The following CPA6 variants were observed in gnomAD, a reference collection of about 807,000 sequenced individuals.
CPA6 encodes carboxypeptidase A6, also known as carboxypeptidase B.
A neutral mutation model predicts 63.3 loss-of-function variants in CPA6; 58 were observed. That is an observed-to-expected ratio of 0.92 (90% CI 0.74 to 1.14). The LOEUF (loss-of-function observed/expected upper bound fraction) is 1.14, where lower values mean the gene tolerates loss of function less well. CPA6 is among the 50% of genes most tolerant of loss of function. The pLI is 0.00. For missense variants in CPA6, 565 were observed against 526.6 expected, an observed-to-expected ratio of 1.07 and a Z score of -0.71; for synonymous variants, 185 against 179.0, an observed-to-expected ratio of 1.03 and a Z score of -0.27.
chr8:67,609,954 G>A (rs1413086749), intron 2 of CPA6, among the ~76,000 whole-genome samples: 1 of 152,178 alleles, frequency 6.6e-6, no homozygotes, highest in African/African-American at 2.4e-5. Flanking sequence ...CCTGGGAGGT[G>A]GAGGTTGCAG....
intron 2 of CPA6, among the ~76,000 whole-genome samples, chr8:67,536,937 C>A (rs1812597759): frequency 6.6e-6 from 1 of 152,130 alleles, no homozygotes; most frequent in South Asian, 2.1e-4. Flanking sequence ...GAGTTTTCTG[C>A]ATTTATTGAG....
intron 1 of CPA6, among the ~76,000 whole-genome samples, chr8:67,733,066 G>A (rs1468239615): frequency 6.6e-6 from 1 of 151,404 alleles, no homozygotes; most frequent in East Asian, 1.9e-4. Context: ...TGTGGTGGCG[G>A]GCACCTGTAG....
At chr8:67,451,146 C>T (rs1396865611) in intron 8 of CPA6, among the ~76,000 whole-genome samples, 1 of 152,126 alleles carries the variant, frequency 6.6e-6, no homozygotes, top group Non-Finnish European at 1.5e-5. Flanking sequence ...GACCAGGGGT[C>T]CCTAACCCCT....
chr8:67,682,628 A>G (rs1563391225), intron 1 of CPA6, among the ~76,000 whole-genome samples: 1 of 152,102 alleles, frequency 6.6e-6, no homozygotes, highest in Non-Finnish European at 1.5e-5. Flanking sequence ...TTGTATTCTT[A>G]TATTTCTGAG....
intron 1 of CPA6, among the ~76,000 whole-genome samples, chr8:67,675,109 A>G (rs1349169866): frequency 1.3e-5 from 2 of 152,132 alleles, no homozygotes; most frequent in Non-Finnish European, 2.9e-5. Context: ...CCATACCCCA[A>G]ACTTCAAACT....
intron 2 of CPA6, among the ~76,000 whole-genome samples, chr8:67,593,951 G>A (rs1489948020): frequency 2.7e-5 from 4 of 146,880 alleles, no homozygotes; most frequent in South Asian, 2.2e-4. Context: ...TATTTTGCTC[G>A]TTAGTTAATG....
intron 1 of CPA6, among the ~76,000 whole-genome samples, chr8:67,707,589 C>T (rs1817164233): frequency 6.6e-6 from 1 of 152,170 alleles, no homozygotes; most frequent in Non-Finnish European, 1.5e-5. Context: ...AAGGCTTTGA[C>T]TAGAATGATG....
chr8:67,441,197 G>T (rs1391686719), intron 8 of CPA6, among the ~76,000 whole-genome samples: 1 of 152,102 alleles, frequency 6.6e-6, no homozygotes, highest in African/African-American at 2.4e-5. Flanking sequence ...ATTCAATAGT[G>T]TAATTCTACT....
At chr8:67,604,480 C>T (rs138080512) in intron 2 of CPA6, among the ~76,000 whole-genome samples, 1 of 152,200 alleles carries the variant, frequency 6.6e-6, no homozygotes, top group African/African-American at 2.4e-5. Context: ...CGTCCCTTAC[C>T]TTTTTCCCTG....
intron 2 of CPA6, among the ~76,000 whole-genome samples, chr8:67,590,564 T>A (rs1372738167): frequency 2.0e-5 from 3 of 152,114 alleles, no homozygotes; most frequent in Non-Finnish European, 4.4e-5. Context: ...GTTTCCTGAC[T>A]TTTTAATGAT....
chr8:67,658,593 C>T (rs1043756680), intron 1 of CPA6, among the ~76,000 whole-genome samples: 1 of 152,152 alleles, frequency 6.6e-6, no homozygotes, highest in Non-Finnish European at 1.5e-5. Flanking sequence ...TTTATCTCCA[C>T]ATCAAACCTC....
At chr8:67,565,636 A>G (rs1385840377) in intron 2 of CPA6, among the ~76,000 whole-genome samples, 5 of 152,234 alleles carry the variant, frequency 3.3e-5, no homozygotes, top group African/African-American at 1.2e-4. Context: ...AACTACCTTG[A>G]AAAAGACCTT....
intron 2 of CPA6, among the ~76,000 whole-genome samples, chr8:67,547,213 A>G (rs1280694518): frequency 6.6e-6 from 1 of 151,816 alleles, no homozygotes; most frequent in Non-Finnish European, 1.5e-5. Context: ...CGCCCGGCTA[A>G]ATTTTTGTAT....
chr8:67,537,358 G>A (rs1432346057), intron 2 of CPA6, among the ~76,000 whole-genome samples: 1 of 152,128 alleles, frequency 6.6e-6, no homozygotes, highest in African/African-American at 2.4e-5. Context: ...ATTAATTACT[G>A]CCTCAATTTC....
chr8:67,650,598 T>C (rs1815813983), intron 1 of CPA6, among the ~76,000 whole-genome samples: 1 of 152,144 alleles, frequency 6.6e-6, no homozygotes, highest in Admixed American at 6.5e-5. Context: ...AGAAATGCCA[T>C]GTGCTGGCTG....
intron 8 of CPA6, among the ~76,000 whole-genome samples, chr8:67,453,269 A>T (rs1055330441): frequency 6.6e-6 from 1 of 152,092 alleles, no homozygotes; most frequent in Non-Finnish European, 1.5e-5. Context: ...CTTAAGGTAA[A>T]ATCAAAGGGA....
chr8:67,557,669 G>A (rs761464543), intron 2 of CPA6, among the ~76,000 whole-genome samples: 2 of 152,116 alleles, frequency 1.3e-5, no homozygotes, highest in Non-Finnish European at 2.9e-5. Context: ...ATCAGCCAGT[G>A]CCCCCCTCAG....
chr8:67,646,683 A>C (rs1206067856), intron 1 of CPA6, among the ~76,000 whole-genome samples: 1 of 152,192 alleles, frequency 6.6e-6, no homozygotes, highest in African/African-American at 2.4e-5. Flanking sequence ...GCTAATTCAA[A>C]TTGGGTGGCC....
chr8:67,708,755 C>G (rs979564035), intron 1 of CPA6, among the ~76,000 whole-genome samples: 2 of 152,180 alleles, frequency 1.3e-5, no homozygotes, highest in Non-Finnish European at 2.9e-5. Context: ...CAGCAAGAAA[C>G]AGTTACAGAA....
Sources: gnomAD v4.1 joint callset for allele counts (sites outside exome capture counted in the v4.1 genomes callset) on GRCh38, gnomAD v4.1.1 for gene constraint, MANE v1.5 for transcripts, NCBI Gene and HGNC (gene_info 2026-07-23, HGNC 2026-07-21) for gene names.